The following IGSF3 variants were observed in gnomAD, a reference collection of about 807,000 sequenced individuals.
IGSF3 encodes the protein glu-Trp-Ile EWI motif-containing protein 3.
A neutral mutation model predicts 114.4 loss-of-function variants in IGSF3; 23 were observed. The observed-to-expected ratio is 0.20, with a 90% CI of 0.14 to 0.28. The LOEUF is 0.28. IGSF3 is among the 10% of genes least tolerant of loss of function. IGSF3 has a pLI of 1.00. For missense variants in IGSF3, 1,172 were observed against 1,591.5 expected (o/e 0.74, Z 4.48); for synonymous variants, 571 against 645.2 (o/e 0.88, Z 1.74).
Position 116,584,694 on chromosome 1 carries a change from C to T in IGSF3, c.2799G>A (p.Lys933=). The change falls in exon 9 of 11, where the codon AAG becomes AAA. Residue 933 remains lysine, a synonymous_variant. Coordinates refer to ENST00000369486, the MANE Select transcript of IGSF3 (RefSeq NM_001007237.3). This position sits in a 1 kb window ranked among gnomAD's most constrained non-coding sequence, Gnocchi z 5.8. ...TCTGCCCAGCGGTGTCCTCTGCCCG[C>T]TTATACCACATGCCACTGGGGCTGG... is the stretch of plus-strand genomic sequence containing the variant. The part of the protein sequence containing the change: ...WLPSPSGMWY[K]RAEDTAGQTA... 1.2e-6 allele frequency: 2 copies of T among 1,614,036 alleles called. No homozygotes were observed. Among genetic ancestry groups the T allele is most frequent in the Non-Finnish European group, 1.7e-6 (2 of 1,179,864 alleles).
In IGSF3 at chr1:116,649,038, G is replaced by C. The variant is rs949787898; in HGVS notation, c.43+17246C>G. ...AGAAGGTAGACAACTGTACCATGAA[G>C]ACCACATACCACCCAGACCCAACAC... On this transcript the variant is annotated intron_variant, in intron 2 of 10. Transcript: ENST00000369486. The surrounding 1 kb of genome is among the most constrained non-coding windows in gnomAD (Gnocchi z 4.5). 6.6e-6 allele frequency among the ~76,000 whole-genome samples: 1 copy of C among 152,212 alleles called. No homozygotes were observed. Among genetic ancestry groups the C allele is most frequent in the African/African-American group, 2.4e-5 (1 of 41,448 alleles).
At position 116,647,701 on chromosome 1, in the gene IGSF3, C is replaced by G. The variant is rs918146847; in HGVS notation, c.43+18583G>C. ...CTGGGCGGACAGAGGCAAGGATGACCGGAACAAGACAAACAAACGAAAGGC... is the reference window on the plus strand; with the variant it reads ...CTGGGCGGACAGAGGCAAGGATGACGGGAACAAGACAAACAAACGAAAGGC... On this transcript the variant is annotated intron_variant, in intron 2 of 10. Transcript: ENST00000369486. This position sits in a 1 kb window ranked among gnomAD's most constrained non-coding sequence, Gnocchi z 4.6. Among the ~76,000 whole-genome samples, 3 of 152,168 alleles carry G rather than the reference C, an allele frequency of 2.0e-5. No individual in the cohort carries two copies. Among genetic ancestry groups the G allele is most frequent in the African/African-American group, 4.8e-5 (2 of 41,426 alleles).
At chr1:116,637,466 A>C (rs1213429268) in intron 2 of IGSF3, among the ~76,000 whole-genome samples, 1 of 152,190 alleles carries the variant, frequency 6.6e-6, no homozygotes, top group Non-Finnish European at 1.5e-5. Context: ...TGTGTCTTAC[A>C]AACAGGTTCC....
intron 4 of IGSF3, among the ~76,000 whole-genome samples, chr1:116,613,180 C>T (rs1661089148): frequency 6.6e-6 from 1 of 152,174 alleles, no homozygotes; most frequent in Non-Finnish European, 1.5e-5. Flanking sequence ...CACCTACTCA[C>T]CTCACAGAAC....
intron 2 of IGSF3, among the ~76,000 whole-genome samples, chr1:116,630,958 A>G (rs1400116802): frequency 6.6e-6 from 1 of 152,164 alleles, no homozygotes; most frequent in African/African-American, 2.4e-5. Context: ...CCATGAAAGT[A>G]GAGGAAGACC....
In IGSF3 at chr1:116,585,091, A is replaced by G. The variant is rs756936172; in HGVS notation, c.2441-39T>C. The G allele has an allele frequency of 6.7e-7, 1 of 1,485,606 alleles. No homozygotes were observed. The highest frequency in any genetic ancestry group is 1.4e-5 in the South Asian group (1 of 70,952). The allele number at this position is 1,485,606 out of a possible 1,614,324, so 92.0% of individuals were successfully genotyped here. Reference sequence around the variant, plus strand: ...GAAGAGACGTCAGCGACAAAAGGACAACAAGCAATTCGTACGCACCCTTTC... The same window carrying G: ...GAAGAGACGTCAGCGACAAAAGGACGACAAGCAATTCGTACGCACCCTTTC... On this transcript the variant is annotated intron_variant, in intron 8 of 10. Coordinates refer to ENST00000369486, the MANE Select transcript of IGSF3 (RefSeq NM_001007237.3). This position sits in a 1 kb window ranked among gnomAD's most constrained non-coding sequence, Gnocchi z 4.9.
In IGSF3 at chr1:116,603,772, G is replaced by A; in HGVS notation, c.1476C>T (p.Asn492=). The A allele has an allele frequency of 6.2e-7, 1 of 1,614,038 alleles. No homozygotes were observed. The highest frequency in any genetic ancestry group is 8.5e-7 in the Non-Finnish European group (1 of 1,179,886). ...TGTTGAAGATGCCCAGGCTGAACGAGTTGGGCTGCACCTGCTCCATCTGGA... is the reference window on the plus strand; with the variant it reads ...TGTTGAAGATGCCCAGGCTGAACGAATTGGGCTGCACCTGCTCCATCTGGA... ...GGVQMEQVQP[N]SFSLGIFNSR... Residue 492 remains asparagine (N), a synonymous_variant, in exon 6 of 11, where the codon AAC becomes AAT. Transcript: ENST00000369486. This position sits in a 1 kb window ranked among gnomAD's most constrained non-coding sequence, Gnocchi z 7.1.
rs1399482541 is a variant in IGSF3 at position 116,632,688 on chromosome 1, C to T, written c.44-16231G>A. Among the ~76,000 whole-genome samples, 1 of 152,198 alleles carries T rather than the reference C, an allele frequency of 6.6e-6. No homozygotes were observed. The highest frequency in any genetic ancestry group is 1.5e-5 in the Non-Finnish European group (1 of 68,046). On this transcript the variant is annotated intron_variant, in intron 2 of 10. Transcript: ENST00000369486. The surrounding 1 kb of genome is among the most constrained non-coding windows in gnomAD (Gnocchi z 5.1). ...GAGAAAGAGAGGCTGTACTCATTAA[C>T]TCAGAGCTGACCTCGTCTGGCAGGA...
Position 116,649,216 on chromosome 1 carries a change from T to C in IGSF3, c.43+17068A>G, listed in dbSNP as rs181599110. 6.6e-6 allele frequency among the ~76,000 whole-genome samples: 1 copy of C among 152,224 alleles called. No individual in the cohort carries two copies. Among genetic ancestry groups the C allele is most frequent in the Non-Finnish European group, 1.5e-5 (1 of 68,042 alleles). The stretch of plus-strand genomic sequence containing the variant: ...TTCTGGCCCTAGCCCAAGGCTGCTG[T>C]GGCATGGAAGGAATCAATGGAGGAA... On this transcript the variant is annotated intron_variant, in intron 2 of 10. Coordinates refer to ENST00000369486, the MANE Select transcript of IGSF3 (RefSeq NM_001007237.3). This position sits in a 1 kb window ranked among gnomAD's most constrained non-coding sequence, Gnocchi z 4.5.
rs147191278 is a variant in IGSF3 at position 116,577,115 on chromosome 1, C to G, written c.*197G>C. On this transcript the variant is annotated 3_prime_UTR_variant, in exon 11 of 11. Transcript: ENST00000369486. The surrounding 1 kb of genome is among the most constrained non-coding windows in gnomAD (Gnocchi z 5.7). ...ATGGCAGGATCACAACATTTGCGCG[C>G]AAATAGCTAACCAACCAAGACTGCC... The G allele has an allele frequency of 0.025, 15,115 of 593,528 alleles. 280 individuals are homozygous for G. Among genetic ancestry groups the G allele is most frequent in the Non-Finnish European group, 0.032 (10,666 of 338,246 alleles). 36.8% of individuals were successfully genotyped at this position (593,528 alleles called of 1,614,324 possible).
In IGSF3 at chr1:116,582,283, A is replaced by G. The variant is rs939991846; in HGVS notation, c.2848+2362T>C. ...TTAAATACTCTCTTCTTTTCCAAGTATAAGCCATGGAAAGATGCCGACCTC... is the reference window on the plus strand; with the variant it reads ...TTAAATACTCTCTTCTTTTCCAAGTGTAAGCCATGGAAAGATGCCGACCTC... On this transcript the variant is annotated intron_variant, in intron 9 of 10. Coordinates refer to ENST00000369486, the MANE Select transcript of IGSF3 (RefSeq NM_001007237.3). This position sits in a 1 kb window ranked among gnomAD's most constrained non-coding sequence, Gnocchi z 4.7. Among the ~76,000 whole-genome samples, 1 of 152,186 alleles carries G rather than the reference A, an allele frequency of 6.6e-6. No homozygotes were observed. The highest frequency in any genetic ancestry group is 1.5e-5 in the Non-Finnish European group (1 of 68,040).
rs1659343014 is a variant in IGSF3, at chr1:116,576,393, C to T, written c.*919G>A. On this transcript the variant is annotated 3_prime_UTR_variant, in exon 11 of 11. Transcript: ENST00000369486. The surrounding 1 kb of genome is among the most constrained non-coding windows in gnomAD (Gnocchi z 4.6). ...TCAGTTAGAGACCATCCTTGCAGCTCAGAGCAAGCCAACAGCCAGCCTTTC... is the reference window on the plus strand; with the variant it reads ...TCAGTTAGAGACCATCCTTGCAGCTTAGAGCAAGCCAACAGCCAGCCTTTC... The T allele has an allele frequency of 6.5e-6, 1 of 152,694 alleles. No homozygotes were observed. Among genetic ancestry groups the T allele is most frequent in the East Asian group, 1.9e-4 (1 of 5,198 alleles). The allele number at this position is 152,694 out of a possible 1,614,324, so 9.5% of individuals were successfully genotyped here. A position where few individuals can be genotyped will look rare whatever the true frequency, so the allele number is the denominator to read the frequency against.
In IGSF3 at chr1:116,588,874, G is replaced by T; in HGVS notation, c.2260C>A (p.Leu754Ile). 6.2e-7 allele frequency: 1 copy of T among 1,614,202 alleles called. No individual in the cohort carries two copies. The change falls in exon 8 of 11, where the codon CTC becomes ATC. Residue 754 changes from leucine to isoleucine, a missense_variant. Transcript: ENST00000369486. The surrounding 1 kb of genome is among the most constrained non-coding windows in gnomAD (Gnocchi z 4.9). Reference sequence around the variant, plus strand: ...CCCGACACATGCCTCTCAAACTGGAGCCTGGCTCTCAGGCCCTCCTCCTCG... The same window carrying T: ...CCCGACACATGCCTCTCAAACTGGATCCTGGCTCTCAGGCCCTCCTCCTCG... ...YAEEEGLRARLQFERHVSGGL... is the reference protein window; with the variant it reads ...YAEEEGLRARIQFERHVSGGL...
In IGSF3 at chr1:116,580,570, C is replaced by T. The variant is rs371587333; in HGVS notation, c.2849-693G>A. On this transcript the variant is annotated intron_variant, in intron 9 of 10. Transcript: ENST00000369486. Reference sequence around the variant, plus strand: ...GAGATCTCTCTCCAGGTGCATGCACCGAGGAAAGACTATTCAAGGACACAG... The same window carrying T: ...GAGATCTCTCTCCAGGTGCATGCACTGAGGAAAGACTATTCAAGGACACAG... Among the ~76,000 whole-genome samples, 7 of 152,266 alleles carry T rather than the reference C, an allele frequency of 4.6e-5. 1 individual carries two copies. The highest frequency in any genetic ancestry group is 1.4e-4 in the African/African-American group (6 of 41,532).
In IGSF3 at chr1:116,576,125, ACAC is replaced by A. The variant is rs1659329112; in HGVS notation, c.*1184_*1186del. ...AAGGAAGAAGAAAAACCTAGTCTTC[ACAC>A]CTCCAGGGAGGTAGATATTTCTCTG... On this transcript the variant is annotated 3_prime_UTR_variant, in exon 11 of 11. Transcript: ENST00000369486. This position sits in a 1 kb window ranked among gnomAD's most constrained non-coding sequence, Gnocchi z 4.6. The A allele has an allele frequency of 6.6e-6, 1 of 152,326 alleles. No homozygotes were observed. Among genetic ancestry groups the A allele is most frequent in the Non-Finnish European group, 1.5e-5 (1 of 68,068 alleles). The allele number at this position is 152,326 out of a possible 1,614,324, so 9.4% of individuals were successfully genotyped here.
chr1:116,656,375 A>T (rs1472260213), intron 2 of IGSF3, among the ~76,000 whole-genome samples: 1 of 129,750 alleles, frequency 7.7e-6, no homozygotes, highest in Non-Finnish European at 1.5e-5. Flanking sequence ...ATCTCGGCTC[A>T]CTGCAAGCTC....
Position 116,574,972 on chromosome 1 carries a change from T to C in IGSF3, c.*2340A>G, listed in dbSNP as rs973919795. The C allele has an allele frequency of 6.6e-6, 1 of 152,656 alleles. No homozygotes were observed. The highest frequency in any genetic ancestry group is 2.4e-5 in the African/African-American group (1 of 41,448). 9.5% of individuals were successfully genotyped at this position (152,656 alleles called of 1,614,324 possible). The stretch of plus-strand genomic sequence containing the variant: ...TAAAATACTGGCTTCGGTTTCTTTT[T>C]TTCCTTTCAAATTTCCTACAATTGC... On this transcript the variant is annotated 3_prime_UTR_variant, in exon 11 of 11. Transcript: ENST00000369486. This position sits in a 1 kb window ranked among gnomAD's most constrained non-coding sequence, Gnocchi z 5.2.
At chr1:116,601,907 G>A (rs1395720457) in intron 6 of IGSF3, among the ~76,000 whole-genome samples, 1 of 152,158 alleles carries the variant, frequency 6.6e-6, no homozygotes, top group Non-Finnish European at 1.5e-5. Context: ...GCTTCCCCAA[G>A]CAAATGACTT....
At chr1:116,581,910 C>T (rs1659617659) in intron 9 of IGSF3, among the ~76,000 whole-genome samples, 1 of 152,154 alleles carries the variant, frequency 6.6e-6, no homozygotes, top group African/African-American at 2.4e-5. Flanking sequence ...AACATAGTAT[C>T]CCCACGCTCC....
Sources: gnomAD v4.1 joint callset for allele counts (sites outside exome capture counted in the v4.1 genomes callset) on GRCh38, gnomAD v4.1.1 for gene constraint, Gnocchi (gnomAD v3.1) non-coding constraint, MANE v1.5 for transcripts, NCBI Gene and HGNC (gene_info 2026-07-23, HGNC 2026-07-21) for gene names.